The following CHCHD6 variants were observed in gnomAD, a reference collection of about 807,000 sequenced individuals.
CHCHD6 encodes the protein MICOS complex subunit MIC25.
CHCHD6 carries 28 observed loss-of-function variants against 32.3 expected under a neutral mutation model. The ratio of observed to expected loss-of-function variants is 0.87; its 90% confidence interval spans 0.64 to 1.19. CHCHD6 has a LOEUF of 1.19. Ranked by LOEUF, CHCHD6 falls within the 50% of genes most tolerant of loss-of-function variation. The pLI is 0.00. For synonymous variants in CHCHD6, 122 were observed against 117.5 expected, an observed-to-expected ratio of 1.04 and a Z score of -0.25; for missense variants, 333 against 307.0, an observed-to-expected ratio of 1.08 and a Z score of -0.63.
chr3:126,730,428 T>TGG, intron 2 of CHCHD6, 133 bp from the exon 3 acceptor site: 1 of 699,362 alleles, frequency 1.4e-6, no homozygotes, highest in Non-Finnish European at 2.5e-6. Context: ...CGCTCCTTTG[T>TGG]GGGGACACAT....
chr3:126,754,075 A>G (rs1559824151), intron 4 of CHCHD6, among the ~76,000 whole-genome samples: 5 of 152,192 alleles, frequency 3.3e-5, no homozygotes, highest in Admixed American at 6.5e-5. Flanking sequence ...GTTTGTCCAC[A>G]TTAGTCCATA....
chr3:126,758,597 A>G (rs1429432649), intron 4 of CHCHD6, among the ~76,000 whole-genome samples: 1 of 152,192 alleles, frequency 6.6e-6, no homozygotes, highest in Non-Finnish European at 1.5e-5. Flanking sequence ...ACTTAAGATA[A>G]TGGGTTTTGT....
chr3:126,739,922 T>C (rs1936216913), intron 4 of CHCHD6, among the ~76,000 whole-genome samples: 1 of 152,184 alleles, frequency 6.6e-6, no homozygotes, highest in African/African-American at 2.4e-5. Flanking sequence ...TAGTTTTTGA[T>C]TGGTGCTGGT....
At chr3:126,864,818 G>C (rs111211346) in intron 5 of CHCHD6, among the ~76,000 whole-genome samples, 180 of 26,578 alleles carry the variant, frequency 6.8e-3, no homozygotes, top group African/African-American at 0.012. Flanking sequence ...TCCTCCTCCA[G>C]CATCATCTCC....
chr3:126,803,244 G>T (rs139571558), intron 4 of CHCHD6, among the ~76,000 whole-genome samples: 2 of 152,102 alleles, frequency 1.3e-5, no homozygotes, highest in Non-Finnish European at 2.9e-5. Context: ...TGGGCTAAAT[G>T]TTCCAATTAA....
In CHCHD6 at chr3:126,957,534, G is replaced by C. The variant is rs139004893; in HGVS notation, c.685G>C (p.Val229Leu). 2 of 1,573,760 alleles carry C rather than the reference G, an allele frequency of 1.3e-6. No individual in the cohort carries two copies. Among genetic ancestry groups the C allele is most frequent in the South Asian group, 2.3e-5 (2 of 85,932 alleles). ...SDLVKAYQRCVSAAHKG is the reference protein window; with the variant it reads ...SDLVKAYQRCLSAAHKG ...CCTGGTCAAGGCATACCAGCGCTGC[G>C]TGAGCGCCGCCCACAAGGTAAGGCC... The change falls in exon 7 of 8, where the codon GTG (valine) becomes CTG (leucine). Residue 229 changes from valine (V) to leucine (L), a missense_variant. By Grantham distance (32) the Val-to-Leu change is conservative. Coordinates refer to ENST00000290913, the MANE Select transcript of CHCHD6 (RefSeq NM_032343.3).
At chr3:126,900,691 G>T (rs141554771) in intron 5 of CHCHD6, among the ~76,000 whole-genome samples, 1 of 140,760 alleles carries the variant, frequency 7.1e-6, no homozygotes, top group East Asian at 2.2e-4. Context: ...TGCAACCTCC[G>T]CCTCCCAGGT....
intron 5 of CHCHD6, among the ~76,000 whole-genome samples, chr3:126,886,123 G>A (rs1221216120): frequency 6.6e-6 from 1 of 152,198 alleles, no homozygotes; most frequent in Non-Finnish European, 1.5e-5. Context: ...CACTGTTTAA[G>A]TGCAAAACAC....
chr3:126,748,335 C>A (rs891988966), intron 4 of CHCHD6, among the ~76,000 whole-genome samples: 6 of 152,174 alleles, frequency 3.9e-5, no homozygotes, highest in African/African-American at 1.4e-4. Flanking sequence ...TGGCTCACGC[C>A]TGTAATCCCA....
chr3:126,891,238 C>T (rs116835013), intron 5 of CHCHD6, among the ~76,000 whole-genome samples: 1,809 of 152,224 alleles, frequency 0.012, 18 homozygotes, highest in Middle Eastern at 0.048. Flanking sequence ...GGCTGTGGAG[C>T]CTCCCTAAGC....
intron 5 of CHCHD6, among the ~76,000 whole-genome samples, chr3:126,862,636 TCAC>T (rs1311225386): frequency 9.8e-5 from 6 of 61,494 alleles, no homozygotes; most frequent in Non-Finnish European, 9.5e-5. Context: ...CATCACCACC[TCAC>T]CCTCTTCCAC....
At chr3:126,945,302 T>C (rs1429775937) in intron 6 of CHCHD6, among the ~76,000 whole-genome samples, 1 of 152,024 alleles carries the variant, frequency 6.6e-6, no homozygotes, top group East Asian at 2.0e-4. Flanking sequence ...AGGGCAGGCC[T>C]GTGGGGGGCG....
At chr3:126,815,442 C>T (rs1939844446) in intron 4 of CHCHD6, among the ~76,000 whole-genome samples, 2 of 152,180 alleles carry the variant, frequency 1.3e-5, no homozygotes. Flanking sequence ...TCCTAGTGTG[C>T]CCTTGTGGAT....
At chr3:126,871,022 T>C (rs2077462268) in intron 5 of CHCHD6, among the ~76,000 whole-genome samples, 1 of 152,200 alleles carries the variant, frequency 6.6e-6, no homozygotes. Context: ...CTGTGATTCA[T>C]CTGGGTCAGG....
chr3:126,898,687 C>T (rs2077877102), intron 5 of CHCHD6, among the ~76,000 whole-genome samples: 1 of 152,008 alleles, frequency 6.6e-6, no homozygotes, highest in Non-Finnish European at 1.5e-5. Flanking sequence ...TATAGGCACC[C>T]GTCCCCACGC....
chr3:126,707,692 C>T lies in CHCHD6; in HGVS notation c.87+3293C>T, dbSNP rs542638462. 2.6e-5 allele frequency among the ~76,000 whole-genome samples: 4 copies of T among 152,344 alleles called. No individual in the cohort carries two copies. In the South Asian group the frequency reaches 6.2e-4, roughly 24 times the overall value. On this transcript the variant is annotated intron_variant, in intron 1 of 7. Coordinates refer to ENST00000290913, the MANE Select transcript of CHCHD6 (RefSeq NM_032343.3). ...ATGTTCCCAGAGTCATTATCCCCTC[C>T]AGGCTTGATCAACTTTACCGTCATG...
At chr3:126,845,323 A>C (rs1162300967) in intron 4 of CHCHD6, among the ~76,000 whole-genome samples, 1 of 152,108 alleles carries the variant, frequency 6.6e-6, no homozygotes, top group Non-Finnish European at 1.5e-5. Flanking sequence ...TCCTCTATTG[A>C]CTATTTGTGC....
At chr3:126,923,709 C>T (rs558763486) in intron 6 of CHCHD6, among the ~76,000 whole-genome samples, 2 of 152,332 alleles carry the variant, frequency 1.3e-5, no homozygotes, top group African/African-American at 4.8e-5. Flanking sequence ...TGCTGAGACA[C>T]ACTTCCCTTA....
At chr3:126,713,611 TC>T (rs1934863840) in intron 1 of CHCHD6, among the ~76,000 whole-genome samples, 3 of 152,164 alleles carry the variant, frequency 2.0e-5, no homozygotes, top group South Asian at 2.1e-4. Flanking sequence ...TGTGGTCCCC[TC>T]CCAGGGCTTA....
Sources: gnomAD v4.1 joint callset for allele counts (sites outside exome capture counted in the v4.1 genomes callset) on GRCh38, gnomAD v4.1.1 for gene constraint, MANE v1.5 for transcripts, NCBI Gene and HGNC (gene_info 2026-07-23, HGNC 2026-07-21) for gene names.